CCDC148: variants seen among roughly 807,000 people sequenced by gnomAD.
CCDC148 encodes the protein coiled-coil domain-containing protein 148.
Under a neutral mutation model 85.7 loss-of-function variants are expected in CCDC148, and 89 were observed. That is an observed-to-expected ratio of 1.04 (90% CI 0.87 to 1.24). The LOEUF (loss-of-function observed/expected upper bound fraction) is 1.24, where lower values mean the gene tolerates loss of function less well. Among genes scored for constraint, CCDC148 ranks in the 50% most tolerant of loss-of-function variants. The pLI is 0.00. For synonymous variants in CCDC148, 230 were observed against 213.9 expected (o/e 1.08, Z -0.66); for missense variants, 692 against 671.7 (o/e 1.03, Z -0.33).
At chr2:158,456,221 C>T (rs1111212) in intron 1 of CCDC148, among the ~76,000 whole-genome samples, 194 bp downstream of exon 1, 106,523 of 152,122 alleles carry the variant, frequency 0.7, 37,769 homozygotes, top group East Asian at 0.89. Flanking sequence ...ACCTCGTTCC[C>T]TTACCAAAAT....
chr2:158,391,795 C>T (rs191348240), intron 1 of CCDC148, among the ~76,000 whole-genome samples: 117 of 152,196 alleles, frequency 7.7e-4, no homozygotes, highest in Admixed American at 3.6e-3. Flanking sequence ...AGCTTTGGGA[C>T]TGTGATTACA....
chr2:158,276,387 TCA>T (rs1376414937), intron 9 of CCDC148, among the ~76,000 whole-genome samples: 3 of 151,880 alleles, frequency 2.0e-5, no homozygotes, highest in Non-Finnish European at 4.4e-5. Flanking sequence ...TGAGCTGAGA[TCA>T]CACCACTGCA....
At chr2:158,348,589 G>A (rs1683109029) in intron 2 of CCDC148, among the ~76,000 whole-genome samples, 1 of 151,798 alleles carries the variant, frequency 6.6e-6, no homozygotes, top group African/African-American at 2.4e-5. Context: ...AGTATTGTAG[G>A]CTTTTTAAAA....
chr2:158,281,179 A>G (rs2105175411), intron 9 of CCDC148, among the ~76,000 whole-genome samples: 2 of 152,240 alleles, frequency 1.3e-5, no homozygotes, highest in South Asian at 4.1e-4. Flanking sequence ...AAAGCAGGAA[A>G]GATCCAAAAT....
chr2:158,360,722 C>G (rs1470927770), intron 1 of CCDC148, among the ~76,000 whole-genome samples: 1 of 152,118 alleles, frequency 6.6e-6, no homozygotes. Context: ...TGGGGAGAAG[C>G]CAGTGCAAAA....
chr2:158,378,710 A>C (rs1029238334), intron 1 of CCDC148, among the ~76,000 whole-genome samples: 2 of 152,110 alleles, frequency 1.3e-5, no homozygotes, highest in African/African-American at 4.8e-5. Context: ...TGGGGCTCTT[A>C]AGAATTATTA....
At chr2:158,205,210 G>A (rs775571132) in intron 11 of CCDC148, among the ~76,000 whole-genome samples, 1 of 152,172 alleles carries the variant, frequency 6.6e-6, no homozygotes, top group African/African-American at 2.4e-5. Context: ...ATATTCAAAA[G>A]GTAAATTCAC....
At chr2:158,418,004 C>T (rs1014985327) in intron 1 of CCDC148, among the ~76,000 whole-genome samples, 38 of 151,890 alleles carry the variant, frequency 2.5e-4, no homozygotes, top group African/African-American at 9.2e-4. Context: ...TATTTAAATA[C>T]TTGTTAAATT....
chr2:158,403,466 A>AT (rs1685871770), intron 1 of CCDC148, among the ~76,000 whole-genome samples: 1 of 152,036 alleles, frequency 6.6e-6, no homozygotes, highest in African/African-American at 2.4e-5. Flanking sequence ...CACATATAAA[A>AT]TGTCTATTAC....
intron 11 of CCDC148, among the ~76,000 whole-genome samples, chr2:158,189,636 G>T (rs1185881741): frequency 6.6e-6 from 1 of 151,860 alleles, no homozygotes; most frequent in African/African-American, 2.4e-5. Context: ...TGTGCTTATT[G>T]CTCAGTTATC....
At chr2:158,425,126 C>A in intron 1 of CCDC148, 1 of 495,508 alleles carries the variant, frequency 2.0e-6, no homozygotes. Context: ...ATGGGAATTA[C>A]AATAGTGCCT....
intron 7 of CCDC148, among the ~76,000 whole-genome samples, chr2:158,317,454 A>G (rs1321747992): frequency 6.6e-6 from 1 of 152,182 alleles, no homozygotes; most frequent in Non-Finnish European, 1.5e-5. Context: ...TCGATCACAG[A>G]TATCATTTTA....
chr2:158,322,175 T>C (rs976579134), intron 7 of CCDC148, among the ~76,000 whole-genome samples: 3 of 152,172 alleles, frequency 2.0e-5, no homozygotes, highest in African/African-American at 4.8e-5. Context: ...GGAATAATTA[T>C]AGAACTACTC....
At chr2:158,338,935 T>C (rs1298461651) in intron 6 of CCDC148, 28 bp from the exon 7 acceptor site, 2 of 1,600,746 alleles carry the variant, frequency 1.2e-6, no homozygotes, top group Admixed American at 1.7e-5. Context: ...ATTATTTTAT[T>C]TAACATAAAC....
intron 1 of CCDC148, among the ~76,000 whole-genome samples, chr2:158,416,494 A>G (rs1342150521): frequency 6.6e-6 from 1 of 152,108 alleles, no homozygotes; most frequent in Non-Finnish European, 1.5e-5. Flanking sequence ...CCTAAATTCT[A>G]TCTCTCAAGT....
chr2:158,387,537 C>A (rs749403463), intron 1 of CCDC148, among the ~76,000 whole-genome samples: 9 of 152,062 alleles, frequency 5.9e-5, no homozygotes, highest in Non-Finnish European at 1.0e-4. Flanking sequence ...CATTTGGGTC[C>A]CAACAGCCCA....
At chr2:158,399,997 G>A (rs1338905240) in intron 1 of CCDC148, among the ~76,000 whole-genome samples, 4 of 152,122 alleles carry the variant, frequency 2.6e-5, no homozygotes, top group African/African-American at 7.2e-5. Flanking sequence ...TACAAGGGAT[G>A]TGAAGGACCT....
Position 158,220,507 on chromosome 2 carries a change from A to T in CCDC148, c.1370+88T>A, listed in dbSNP as rs958671. On this transcript the variant is annotated intron_variant, in intron 11 of 13. Coordinates refer to ENST00000283233, the MANE Select transcript of CCDC148 (RefSeq NM_138803.4). The stretch of plus-strand genomic sequence containing the variant: ...AAAGGATACATTAAGTATAGAAAAA[A>T]GTTCCCTCTGATATTATTTATTCTA... 1.7e-4 allele frequency: 142 copies of T among 816,508 alleles called. 1 individual carries two copies. In the East Asian group the frequency reaches 2.3e-3, roughly 13 times the overall value. 50.6% of individuals were successfully genotyped at this position (816,508 alleles called of 1,614,324 possible).
chr2:158,241,740 A>T (rs1055279400), intron 10 of CCDC148, among the ~76,000 whole-genome samples: 1 of 152,192 alleles, frequency 6.6e-6, no homozygotes, highest in Non-Finnish European at 1.5e-5. Flanking sequence ...CAAATGCCAC[A>T]TAGTACTATG....
Sources: allele counts gnomAD v4.1 joint callset (sites outside exome capture counted in the v4.1 genomes callset), GRCh38; gene constraint gnomAD v4.1.1; transcripts MANE v1.5; gene names NCBI Gene and HGNC (gene_info 2026-07-23, HGNC 2026-07-21).